Variants in BCAS4 observed in about 807,000 individuals in gnomAD.
The protein encoded by BCAS4 is breast carcinoma-amplified sequence 4.
A neutral mutation model predicts 15.7 loss-of-function variants in BCAS4; 9 were observed. The ratio of observed to expected loss-of-function variants is 0.57; its 90% confidence interval spans 0.34 to 1.00. BCAS4 has a LOEUF of 1.00. BCAS4 is among the 50% of genes least tolerant of loss of function. BCAS4 has a pLI of 0.02. For synonymous variants in BCAS4, 101 were observed against 99.5 expected (o/e 1.02, Z -0.09); for missense variants, 225 against 239.1 (o/e 0.94, Z 0.39).
chr20:50,854,513 C>G (rs1978647876), intron 4 of BCAS4, among the ~76,000 whole-genome samples: 1 of 152,066 alleles, frequency 6.6e-6, no homozygotes, highest in African/African-American at 2.4e-5. Context: ...CTATCATTGG[C>G]CCCATTTTAT....
Position 50,851,553 on chromosome 20 carries a change from G to A in BCAS4, c.399+9653G>A, listed in dbSNP as rs1600887700. Among the ~76,000 whole-genome samples the A allele has an allele frequency of 6.6e-6, 1 of 152,056 alleles. No homozygotes were observed. The highest frequency in any genetic ancestry group is 1.5e-5 in the Non-Finnish European group (1 of 68,008). On this transcript the variant is annotated intron_variant, in intron 4 of 4. Transcript: ENST00000371608. This position sits in a 1 kb window ranked among gnomAD's most constrained non-coding sequence, Gnocchi z 4.3. ...CGACAACAAGAAGTTTTCATTTTTG[G>A]GGGGGTGCTGTTTGTTGGGCCCTAT...
intron 3 of BCAS4, among the ~76,000 whole-genome samples, chr20:50,839,057 G>A (rs2088444823): frequency 6.6e-6 from 1 of 152,212 alleles, no homozygotes. Context: ...TGGGAGGACT[G>A]CATTTCATGG....
intron 4 of BCAS4, among the ~76,000 whole-genome samples, chr20:50,868,883 T>C (rs1979491028): frequency 6.6e-6 from 1 of 152,226 alleles, no homozygotes; most frequent in African/African-American, 2.4e-5. Context: ...TGGTGTTTTT[T>C]CCTACTTGTG....
At chr20:50,843,037 G>A (rs548627596) in intron 4 of BCAS4, among the ~76,000 whole-genome samples, 26 of 152,164 alleles carry the variant, frequency 1.7e-4, no homozygotes, top group African/African-American at 5.5e-4. Context: ...CTAGCTCATC[G>A]CAGCCTGGAA....
At chr20:50,841,657 C>G (rs2088482797) in intron 3 of BCAS4, 109 bp from the exon 4 acceptor site, 4 of 1,468,574 alleles carry the variant, frequency 2.7e-6, no homozygotes, top group Non-Finnish European at 3.7e-6. Context: ...TGGAGGGAGG[C>G]TGGTCGCAGT....
At chr20:50,803,222 C>T (rs1406373523) in intron 1 of BCAS4, among the ~76,000 whole-genome samples, 1 of 152,182 alleles carries the variant, frequency 6.6e-6, no homozygotes, top group Non-Finnish European at 1.5e-5. Context: ...TAGCCCAGTG[C>T]CCATCAGTGC....
At chr20:50,876,020 A>G in intron 4 of BCAS4, 2 of 455,758 alleles carry the variant, frequency 4.4e-6, no homozygotes, top group South Asian at 3.1e-5. Flanking sequence ...GCACAATCCC[A>G]GCTCGCTGCA....
At chr20:50,830,484 C>A in intron 3 of BCAS4, 104 bp downstream of exon 3, 2 of 855,400 alleles carry the variant, frequency 2.3e-6, no homozygotes, top group Non-Finnish European at 1.8e-6. Flanking sequence ...GCATTATGCC[C>A]AATGCAGGGG....
intron 4 of BCAS4, among the ~76,000 whole-genome samples, chr20:50,843,595 C>T (rs1389311528): frequency 5.3e-5 from 8 of 152,152 alleles, no homozygotes; most frequent in Admixed American, 2.6e-4. Flanking sequence ...TGCCTGCTTC[C>T]AGGTGAGTGT....
At chr20:50,881,244 AACGAATCTATTG>A (rs1419620811), downstream of BCAS4, 1 of 152,204 alleles carries the variant, frequency 6.6e-6, no homozygotes, top group East Asian at 1.9e-4. Flanking sequence ...AGTAAAATAA[AACGAATCTATTG>A]AAGAAATAGG....
At chr20:50,854,864 T>C (rs1183659027) in intron 4 of BCAS4, among the ~76,000 whole-genome samples, 3 of 152,238 alleles carry the variant, frequency 2.0e-5, no homozygotes, top group Non-Finnish European at 4.4e-5. Context: ...GCCTGCTTCC[T>C]GCCATGCGCT....
intron 4 of BCAS4, chr20:50,876,105 C>T (rs1035447077): frequency 1.6e-5 from 7 of 433,924 alleles, no homozygotes; most frequent in Admixed American, 1.6e-4. Flanking sequence ...TGCGCGCTAC[C>T]ATGCCCGGCT....
At chr20:50,801,237 G>A (rs1413717638) in intron 1 of BCAS4, among the ~76,000 whole-genome samples, 1 of 152,050 alleles carries the variant, frequency 6.6e-6, no homozygotes, top group Non-Finnish European at 1.5e-5. Context: ...GACCAGGATG[G>A]CCAACATGGT....
At chr20:50,809,397 C>T (rs1450390489) in intron 1 of BCAS4, among the ~76,000 whole-genome samples, 1 of 151,922 alleles carries the variant, frequency 6.6e-6, no homozygotes, top group African/African-American at 2.4e-5. Context: ...TTAGTAGAGA[C>T]GTGGTTTCAC....
chr20:50,853,739 G>A (rs1978591307), intron 4 of BCAS4, among the ~76,000 whole-genome samples: 1 of 142,724 alleles, frequency 7.0e-6, no homozygotes, highest in Non-Finnish European at 1.5e-5. Context: ...TGTGTACTGG[G>A]GGGTGTTTTG....
At chr20:50,799,149 G>A (rs1333451182) in intron 1 of BCAS4, among the ~76,000 whole-genome samples, 1 of 152,100 alleles carries the variant, frequency 6.6e-6, no homozygotes, top group Non-Finnish European at 1.5e-5. Context: ...TCTCAGCAGC[G>A]ACATGTCATT....
chr20:50,850,959 C>T (rs1978379131), intron 4 of BCAS4, among the ~76,000 whole-genome samples: 1 of 152,166 alleles, frequency 6.6e-6, no homozygotes, highest in Non-Finnish European at 1.5e-5. Flanking sequence ...GCTGCCCTGC[C>T]CGGGCTGCCT....
intron 3 of BCAS4, chr20:50,840,925 G>A (rs1256766984): frequency 1.0e-5 from 6 of 577,242 alleles, no homozygotes; most frequent in South Asian, 3.9e-5. Context: ...CGCCTCCCGG[G>A]TTCAAGTAAT....
At chr20:50,865,576 T>G (rs943788000) in intron 4 of BCAS4, among the ~76,000 whole-genome samples, 1 of 152,190 alleles carries the variant, frequency 6.6e-6, no homozygotes, top group Non-Finnish European at 1.5e-5. Context: ...CAGCATCACC[T>G]TAACAAGATT....
Sources: allele counts gnomAD v4.1 joint callset (sites outside exome capture counted in the v4.1 genomes callset), GRCh38; gene constraint gnomAD v4.1.1; non-coding constraint Gnocchi (gnomAD v3.1); transcripts MANE v1.5; gene names NCBI Gene and HGNC (gene_info 2026-07-23, HGNC 2026-07-21).